DNAH3: variants seen among roughly 807,000 people sequenced by gnomAD.
DNAH3 encodes axonemal beta dynein heavy chain 3.
In DNAH3, 332 loss-of-function variants were observed where a neutral mutation model predicts 432.5. The observed-to-expected ratio is 0.77, with a 90% confidence interval of 0.70 to 0.84. The LOEUF is 0.84. Ranked by LOEUF, DNAH3 falls within the 40% of genes least tolerant of loss-of-function variation. DNAH3 has a pLI of 0.00. For synonymous variants in DNAH3, 1,956 were observed against 1,900.2 expected (o/e 1.03, Z -0.76); for missense variants, 4,861 against 5,114.0 (o/e 0.95, Z 1.51).
chr16:21,132,424 T>A (rs1430346529), intron 7 of DNAH3, among the ~76,000 whole-genome samples: 1 of 152,220 alleles, frequency 6.6e-6, no homozygotes, highest in Admixed American at 6.5e-5. Context: ...GGTGTCTTCA[T>A]CCTCTCACCA....
At chr16:21,132,309 C>G (rs972194407) in intron 7 of DNAH3, among the ~76,000 whole-genome samples, 2 of 152,160 alleles carry the variant, frequency 1.3e-5, no homozygotes, top group Admixed American at 6.6e-5. Flanking sequence ...CTAATAAGTT[C>G]GGCCAATCAA....
intron 18 of DNAH3, among the ~76,000 whole-genome samples, chr16:21,093,617 A>T (rs953126315): frequency 2.0e-5 from 3 of 152,184 alleles, no homozygotes; most frequent in Non-Finnish European, 4.4e-5. Flanking sequence ...AAAATACTCA[A>T]AATAAAATTT....
chr16:21,067,879 G>T (rs1453707592), intron 23 of DNAH3, among the ~76,000 whole-genome samples: 3 of 151,744 alleles, frequency 2.0e-5, no homozygotes, highest in East Asian at 3.9e-4. Context: ...AGGCTTCTGG[G>T]TTCTAGATCC....
At chr16:21,024,800 G>T in intron 38 of DNAH3, 99 bp from the exon 39 acceptor site, 1 of 902,344 alleles carries the variant, frequency 1.1e-6, no homozygotes, top group Non-Finnish European at 1.8e-6. Flanking sequence ...CACCATGCTA[G>T]GCATTAATGG....
At chr16:20,989,652 G>A (rs1382107126) in intron 44 of DNAH3, among the ~76,000 whole-genome samples, 1 of 152,246 alleles carries the variant, frequency 6.6e-6, no homozygotes, top group African/African-American at 2.4e-5. Flanking sequence ...GCACTCCTCA[G>A]CCTTTGGGTG....
chr16:21,088,228 A>G (rs1471481015), intron 18 of DNAH3, among the ~76,000 whole-genome samples: 1 of 152,234 alleles, frequency 6.6e-6, no homozygotes, highest in Non-Finnish European at 1.5e-5. Flanking sequence ...TTCATGCACC[A>G]GGAAATATTG....
At chr16:20,997,122 A>G (rs567520018) in intron 44 of DNAH3, 161 bp downstream of exon 44, 1 of 628,264 alleles carries the variant, frequency 1.6e-6, no homozygotes, top group Admixed American at 3.0e-5. Flanking sequence ...ATTTCACACA[A>G]TTTCCAACAT....
At chr16:21,048,932 G>A (rs1343337590) in intron 31 of DNAH3, among the ~76,000 whole-genome samples, 1 of 151,852 alleles carries the variant, frequency 6.6e-6, no homozygotes, top group African/African-American at 2.4e-5. Flanking sequence ...GACCTCAGAT[G>A]ATCCACCTGC....
intron 51 of DNAH3, among the ~76,000 whole-genome samples, chr16:20,973,820 A>G (rs1380629513): frequency 6.6e-6 from 1 of 152,184 alleles, no homozygotes; most frequent in Non-Finnish European, 1.5e-5. Flanking sequence ...ATAATTTAGC[A>G]AAAATACAAT....
At chr16:21,092,473 C>T (rs1256376118) in intron 18 of DNAH3, among the ~76,000 whole-genome samples, 1 of 151,722 alleles carries the variant, frequency 6.6e-6, no homozygotes, top group Admixed American at 6.6e-5. Context: ...AAAATTAACT[C>T]AAAATGGATC....
chr16:21,019,138 TG>T, intron 41 of DNAH3: 1 of 148,312 alleles, frequency 6.7e-6, no homozygotes. Context: ...GGACCACCCA[TG>T]GGCCAACTCT....
chr16:20,946,873 G>A (rs1290226834), intron 57 of DNAH3, among the ~76,000 whole-genome samples: 1 of 133,366 alleles, frequency 7.5e-6, no homozygotes, highest in Non-Finnish European at 1.5e-5. Context: ...GGCCCAGGCT[G>A]GAGTGCAGTG....
At chr16:21,049,883 G>T in intron 30 of DNAH3, 27 bp downstream of exon 30, 1 of 1,573,114 alleles carries the variant, frequency 6.4e-7, no homozygotes, top group Non-Finnish European at 8.8e-7. Context: ...CTGGAAGAGA[G>T]GGAGGGGATA....
intron 58 of DNAH3, among the ~76,000 whole-genome samples, chr16:20,943,107 G>A (rs1026960760): frequency 1.3e-5 from 2 of 151,548 alleles, no homozygotes; most frequent in East Asian, 3.9e-4. Flanking sequence ...TTAAGACAGG[G>A]TCTCACTCTG....
At chr16:21,157,336 C>CT (rs34449371) in intron 1 of DNAH3, among the ~76,000 whole-genome samples, 17,892 of 111,770 alleles carry the variant, frequency 0.16, 1,858 homozygotes, top group Non-Finnish European at 0.23. Context: ...GTGATTGCTT[C>CT]TTTTTTTTTT....
rs371265720 is a variant in DNAH3, at chr16:21,112,057, T to G, written c.1856A>C (p.Asn619Thr). 5 of 1,613,628 alleles carry G rather than the reference T, an allele frequency of 3.1e-6. No individual in the cohort carries two copies. The African/African-American group carries it at 6.7e-5, about 22-fold the overall frequency. Residue 619 changes from asparagine to threonine, a missense_variant, in exon 13 of 62, where the codon AAC (asparagine) becomes ACC (threonine). Asn to Thr is a moderately conservative substitution (Grantham distance 65, BLOSUM62 0). Coordinates refer to ENST00000261383, the Ensembl canonical transcript of DNAH3. ...CGCAGCGATGTTTTGCTCTGCCGTGTTATCCAATAAGTCAACATACTTTTT... is the reference window on the plus strand; with the variant it reads ...CGCAGCGATGTTTTGCTCTGCCGTGGTATCCAATAAGTCAACATACTTTTT...
intron 7 of DNAH3, among the ~76,000 whole-genome samples, chr16:21,129,642 CAGG>C (rs1195866483): frequency 6.6e-6 from 1 of 151,320 alleles, no homozygotes; most frequent in East Asian, 1.9e-4. Flanking sequence ...GAGGCTGAGG[CAGG>C]AGAATTGTTT....
At chr16:21,038,173 G>A (rs2089264539) in intron 33 of DNAH3, among the ~76,000 whole-genome samples, 193 bp from the exon 34 acceptor site, 1 of 152,094 alleles carries the variant, frequency 6.6e-6, no homozygotes, top group Non-Finnish European at 1.5e-5. Flanking sequence ...AAAAGCAAGT[G>A]AACATATATG....
intron 56 of DNAH3, among the ~76,000 whole-genome samples, chr16:20,951,094 A>G (rs71374843): frequency 0.083 from 12,587 of 152,188 alleles, 601 homozygotes; most frequent in East Asian, 0.17. Context: ...GATTACAGAC[A>G]TGACCCACCG....
Sources: allele counts gnomAD v4.1 joint callset (sites outside exome capture counted in the v4.1 genomes callset), GRCh38; gene constraint gnomAD v4.1.1; transcripts MANE v1.5; gene names NCBI Gene and HGNC (gene_info 2026-07-23, HGNC 2026-07-21).